KLRG1: variants seen among roughly 807,000 people sequenced by gnomAD.
KLRG1 encodes the protein killer cell lectin like receptor G1, also known as killer cell lectin-like receptor subfamily G member 1.
A neutral mutation model predicts 21.8 loss-of-function variants in KLRG1; 16 were observed. That is an observed-to-expected ratio of 0.73 (90% confidence interval 0.50 to 1.11). The LOEUF is 1.11. Ranked by LOEUF, KLRG1 falls within the 50% of genes most tolerant of loss-of-function variation. The pLI, the probability that KLRG1 is intolerant of heterozygous loss-of-function variation, is 0.00. For missense variants in KLRG1, 173 were observed against 218.3 expected, an observed-to-expected ratio of 0.79 and a Z score of 1.31; for synonymous variants, 69 against 75.9, an observed-to-expected ratio of 0.91 and a Z score of 0.47.
intron 1 of KLRG1, among the ~76,000 whole-genome samples, chr12:8,965,720 C>T (rs1324289091): frequency 5.3e-5 from 8 of 152,206 alleles, no homozygotes; most frequent in Non-Finnish European, 1.0e-4. Flanking sequence ...ATTCCATGCT[C>T]ATGGGTAGGA....
At chr12:8,974,447 G>A (rs976960196) in intron 1 of KLRG1, among the ~76,000 whole-genome samples, 3 of 152,158 alleles carry the variant, frequency 2.0e-5, no homozygotes, top group South Asian at 4.1e-4. Flanking sequence ...GATTACAGGC[G>A]TGAGCCACTG....
the KLRG1 span, among the ~76,000 whole-genome samples, chr12:9,180,655 T>C: frequency 6.6e-6 from 1 of 152,200 alleles, no homozygotes; most frequent in Admixed American, 6.5e-5. Flanking sequence ...CAATTCAAGA[T>C]GGATTAAAGA....
chr12:8,997,709 G>A (rs772012752), intron 3 of KLRG1, among the ~76,000 whole-genome samples: 2 of 152,214 alleles, frequency 1.3e-5, no homozygotes, highest in South Asian at 2.1e-4. Flanking sequence ...GATCACTTAC[G>A]GCAAAGTGTA....
At chr12:9,046,312 GAAGAT>G in the KLRG1 span, among the ~76,000 whole-genome samples, 1 of 152,170 alleles carries the variant, frequency 6.6e-6, no homozygotes, top group African/African-American at 2.4e-5. Flanking sequence ...AGAAGGAGAA[GAAGAT>G]AAGGGAACAA....
the KLRG1 span, among the ~76,000 whole-genome samples, chr12:9,051,712 CG>C: frequency 6.6e-6 from 1 of 152,190 alleles, no homozygotes; most frequent in Admixed American, 6.5e-5. Context: ...TCTGTTAACA[CG>C]CTTGATAAAT....
At chr12:8,951,228 T>G (rs1946197648) in intron 1 of KLRG1, among the ~76,000 whole-genome samples, 2 of 152,154 alleles carry the variant, frequency 1.3e-5, no homozygotes, top group Non-Finnish European at 2.9e-5. Flanking sequence ...ATCCCAGCAC[T>G]TTGGGATTCC....
Position 9,010,206 on chromosome 12 carries a change from A to T in KLRG1, c.*669A>T, listed in dbSNP as rs953262323. 1 of 533,478 alleles carries T rather than the reference A, an allele frequency of 1.9e-6. No homozygotes were observed. The highest frequency in any genetic ancestry group is 1.9e-5 in the African/African-American group (1 of 52,010). The allele number at this position is 533,478 out of a possible 1,614,324, so 33.0% of individuals were successfully genotyped here. A position where few individuals can be genotyped will look rare whatever the true frequency, so the allele number is the denominator to read the frequency against. The stretch of plus-strand genomic sequence containing the variant: ...ATCTCTAAAAAAAAAAAAAAATGCT[A>T]ATGTGAGAATATAAATTGTGGGAAA... On this transcript the variant is annotated 3_prime_UTR_variant, in exon 5 of 5. Transcript: ENST00000356986.
chr12:9,078,707 CTT>C, the KLRG1 span, among the ~76,000 whole-genome samples: 3 of 152,194 alleles, frequency 2.0e-5, no homozygotes, highest in South Asian at 6.2e-4. Context: ...TTAAATCTCT[CTT>C]ATCTTTAGAG....
At chr12:9,144,606 C>T in the KLRG1 span, among the ~76,000 whole-genome samples, 1 of 152,166 alleles carries the variant, frequency 6.6e-6, no homozygotes, top group African/African-American at 2.4e-5. Flanking sequence ...CTGAGAGGGG[C>T]TTCTGGCCAA....
chr12:9,215,016 T>C, the KLRG1 span, among the ~76,000 whole-genome samples: 1 of 152,040 alleles, frequency 6.6e-6, no homozygotes, highest in Admixed American at 6.5e-5. Flanking sequence ...ATCAGATATA[T>C]GATTTGAATT....
the KLRG1 span, among the ~76,000 whole-genome samples, chr12:9,163,000 A>G: frequency 6.6e-6 from 1 of 152,172 alleles, no homozygotes; most frequent in Non-Finnish European, 1.5e-5. Context: ...TGCATCATTC[A>G]GCTCCCACTT....
the KLRG1 span, among the ~76,000 whole-genome samples, chr12:9,193,673 A>T: frequency 6.6e-6 from 1 of 152,196 alleles, no homozygotes; most frequent in Non-Finnish European, 1.5e-5. Flanking sequence ...AAAACTTTTT[A>T]GCTAGGGAAA....
the KLRG1 span, chr12:9,204,084 A>G: frequency 2.2e-6 from 2 of 921,074 alleles, no homozygotes; most frequent in South Asian, 1.9e-5. Context: ...GACTAAGTCA[A>G]TGGAGGTTCT....
At chr12:9,123,405 G>A in the KLRG1 span, among the ~76,000 whole-genome samples, 1 of 152,026 alleles carries the variant, frequency 6.6e-6, no homozygotes, top group Non-Finnish European at 1.5e-5. Flanking sequence ...AGTAAAATAA[G>A]GATTATTTGA....
chr12:8,986,919 T>G (rs1946851031), upstream of KLRG1, among the ~76,000 whole-genome samples: 1 of 152,206 alleles, frequency 6.6e-6, no homozygotes, highest in Non-Finnish European at 1.5e-5. Flanking sequence ...GCGTCTCTCT[T>G]GCTCCTGCTC....
At chr12:9,215,402 C>A in the KLRG1 span, among the ~76,000 whole-genome samples, 1 of 151,704 alleles carries the variant, frequency 6.6e-6, no homozygotes, top group African/African-American at 2.4e-5. Flanking sequence ...TGAAAAAAAA[C>A]TGAGAAAAAA....
At chr12:8,978,465 T>C (rs1304759657) in intron 1 of KLRG1, among the ~76,000 whole-genome samples, 2 of 152,198 alleles carry the variant, frequency 1.3e-5, no homozygotes, top group African/African-American at 4.8e-5. Context: ...CATGAACCAC[T>C]GCACCTAGCC....
At chr12:9,165,996 T>G in the KLRG1 span, 2 of 1,539,578 alleles carry the variant, frequency 1.3e-6, no homozygotes, top group Non-Finnish European at 1.7e-6. Flanking sequence ...ATTGAAAATG[T>G]TGGAGGAACC....
At chr12:9,152,259 C>A in the KLRG1 span, 1 of 1,613,018 alleles carries the variant, frequency 6.2e-7, no homozygotes, top group Non-Finnish European at 8.5e-7. Context: ...AACCAGATAC[C>A]ATCTTTACAT....
Sources: allele counts gnomAD v4.1 joint callset (sites outside exome capture counted in the v4.1 genomes callset), GRCh38; gene constraint gnomAD v4.1.1; transcripts MANE v1.5; gene names NCBI Gene and HGNC (gene_info 2026-07-23, HGNC 2026-07-21).